Variants in SNX13 observed in about 807,000 individuals in gnomAD.
The protein encoded by SNX13 is sorting nexin-13.
A neutral mutation model predicts 133.6 loss-of-function variants in SNX13; 45 were observed. That is an observed-to-expected ratio of 0.34 (90% confidence interval 0.27 to 0.43). The LOEUF (loss-of-function observed/expected upper bound fraction) is 0.43. Among genes scored for constraint, SNX13 ranks in the 20% least tolerant of loss-of-function variants. SNX13 has a pLI of 1.00. For missense variants in SNX13, 1,032 were observed against 1,145.1 expected, an observed-to-expected ratio of 0.90 and a Z score of 1.43; for synonymous variants, 414 against 373.9, an observed-to-expected ratio of 1.11 and a Z score of -1.24.
At chr7:17,831,045 T>C (rs12533411) in intron 15 of SNX13, 88,585 of 984,186 alleles carry the variant, frequency 0.09, 4,314 homozygotes, top group South Asian at 0.15. Flanking sequence ...TAGTTATCTA[T>C]CCTCCTTATT....
intron 8 of SNX13, among the ~76,000 whole-genome samples, chr7:17,871,913 T>C (rs1373908624): frequency 6.6e-5 from 10 of 152,132 alleles, no homozygotes; most frequent in Admixed American, 5.9e-4. Flanking sequence ...CTTGAAGGAC[T>C]TGAGATCTGA....
At chr7:17,886,448 A>G (rs1343196562) in intron 5 of SNX13, among the ~76,000 whole-genome samples, 1 of 151,992 alleles carries the variant, frequency 6.6e-6, no homozygotes, top group East Asian at 1.9e-4. Flanking sequence ...TGCGCTTATA[A>G]TATCAGCTAC....
chr7:17,867,636 A>G (rs1486622698), intron 9 of SNX13, among the ~76,000 whole-genome samples: 1 of 152,084 alleles, frequency 6.6e-6, no homozygotes, highest in African/African-American at 2.4e-5. Flanking sequence ...AAGTAAAAAA[A>G]AAAATAAAAC....
In SNX13 at chr7:17,850,407, A is replaced by G. The variant is rs200427962; in HGVS notation, c.1005T>C (p.Asn335=). Residue 335 remains asparagine (N), a synonymous_variant, in exon 11 of 26, where the codon AAT becomes AAC. Coordinates refer to ENST00000428135, the MANE Select transcript of SNX13 (RefSeq NM_015132.5). The part of the protein sequence containing the change: ...DDINTIKNQI[N]SLLFVKKVCD... ...ATACCTTCTTTACGAATAGTAAGCT[A>G]TTTATTTGATTTTTGATAGTGTTGA... 268 of 1,586,454 alleles carry G rather than the reference A, an allele frequency of 1.7e-4. No homozygotes were observed. Among genetic ancestry groups the G allele is most frequent in the Middle Eastern group, 1.5e-3 (8 of 5,390 alleles).
At chr7:17,809,180 G>C (rs920882965) in intron 20 of SNX13, among the ~76,000 whole-genome samples, 2 of 145,566 alleles carry the variant, frequency 1.4e-5, no homozygotes, top group African/African-American at 5.1e-5. Context: ...AAATTGTCAA[G>C]ACCCACCGGA....
intron 1 of SNX13, among the ~76,000 whole-genome samples, chr7:17,907,011 T>C (rs1315792750): frequency 1.3e-5 from 2 of 152,192 alleles, no homozygotes; most frequent in Non-Finnish European, 2.9e-5. Flanking sequence ...TTCATGTTGG[T>C]TATGTTCTTG....
intron 16 of SNX13, among the ~76,000 whole-genome samples, chr7:17,829,407 C>T (rs1788236212): frequency 6.6e-6 from 1 of 151,332 alleles, no homozygotes; most frequent in Non-Finnish European, 1.5e-5. Flanking sequence ...TTACACTGTA[C>T]CTTGAATATA....
chr7:17,828,090 G>C (rs1321343540), intron 16 of SNX13, among the ~76,000 whole-genome samples: 1 of 151,602 alleles, frequency 6.6e-6, no homozygotes, highest in Non-Finnish European at 1.5e-5. Context: ...TGTTAAAAAG[G>C]CTTTGTGGAG....
intron 9 of SNX13, among the ~76,000 whole-genome samples, chr7:17,862,662 T>C (rs1245658714): frequency 2.0e-5 from 3 of 152,348 alleles, no homozygotes; most frequent in East Asian, 3.9e-4. Flanking sequence ...TATTCAATTG[T>C]ATCAATGTGT....
intron 17 of SNX13, among the ~76,000 whole-genome samples, chr7:17,825,313 A>AGACTATT (rs1787783065): frequency 6.6e-6 from 1 of 152,154 alleles, no homozygotes; most frequent in Admixed American, 6.5e-5. Context: ...ACTAGACTAT[A>AGACTATT]AAATCTCTTC....
chr7:17,861,740 AG>A (rs1792732414), intron 9 of SNX13, among the ~76,000 whole-genome samples: 1 of 152,206 alleles, frequency 6.6e-6, no homozygotes, highest in African/African-American at 2.4e-5. Flanking sequence ...GCCCACCCAA[AG>A]GGAAGAATCA....
chr7:17,814,732 T>C, intron 20 of SNX13, 102 bp downstream of exon 20: 4 of 1,017,162 alleles, frequency 3.9e-6, no homozygotes, highest in Non-Finnish European at 5.5e-6. Context: ...AATTTTCTAG[T>C]TTTAAAACAC....
At chr7:17,899,073 G>A (rs905651178) in intron 1 of SNX13, 31 of 152,298 alleles carry the variant, frequency 2.0e-4, no homozygotes, top group Non-Finnish European at 4.1e-4. Context: ...AAAGTACAGA[G>A]ACACTCAGTT....
rs1331509237 is a variant in SNX13 at position 17,834,774 on chromosome 7, T to A, written c.1451A>T (p.Asp484Val). Reference protein sequence around the residue: ...HEDPTPEIFDDIQRKVYELML... With the variant: ...HEDPTPEIFDVIQRKVYELML... ...ACATAATAATACCTTTCTTTGAATG[T>A]CATCAAAGATTTCAGGGGTTGGATC... Residue 484 changes from aspartate to valine, a missense_variant, in exon 14 of 26, where the codon GAC becomes GTC. Coordinates refer to ENST00000428135, the MANE Select transcript of SNX13 (RefSeq NM_015132.5). 3 of 1,597,742 alleles carry A rather than the reference T, an allele frequency of 1.9e-6. No homozygotes were observed. The highest frequency in any genetic ancestry group is 2.6e-6 in the Non-Finnish European group (3 of 1,166,506).
intron 1 of SNX13, among the ~76,000 whole-genome samples, chr7:17,907,622 C>T (rs1345755196): frequency 6.6e-6 from 1 of 152,120 alleles, no homozygotes; most frequent in East Asian, 1.9e-4. Context: ...AGCAACACCC[C>T]CCCTGAAAAT....
intron 1 of SNX13, 48 bp downstream of exon 1, chr7:17,940,236 G>GC: frequency 6.4e-7 from 1 of 1,552,292 alleles, no homozygotes; most frequent in African/African-American, 1.4e-5. Context: ...GCTGGCGCCG[G>GC]CCCCTTCCCC....
intron 5 of SNX13, among the ~76,000 whole-genome samples, chr7:17,883,154 CA>C (rs1795565404): frequency 6.6e-6 from 1 of 152,144 alleles, no homozygotes. Flanking sequence ...TTAAGAAGTG[CA>C]GTCCTATATC....
intron 13 of SNX13, among the ~76,000 whole-genome samples, chr7:17,837,834 A>ATT (rs768633108): frequency 6.8e-6 from 1 of 146,366 alleles, no homozygotes; most frequent in South Asian, 2.1e-4. Context: ...CTGGTGACAC[A>ATT]TTTTTTTTTT....
chr7:17,829,189 G>A (rs547129979), intron 16 of SNX13, among the ~76,000 whole-genome samples: 2 of 151,506 alleles, frequency 1.3e-5, no homozygotes, highest in East Asian at 3.9e-4. Context: ...AAAACATTTA[G>A]CTATTACGAA....
Sources: gnomAD v4.1 joint callset for allele counts (sites outside exome capture counted in the v4.1 genomes callset) on GRCh38, gnomAD v4.1.1 for gene constraint, MANE v1.5 for transcripts, NCBI Gene and HGNC (gene_info 2026-07-23, HGNC 2026-07-21) for gene names.